RANBP2: variants seen among roughly 807,000 people sequenced by gnomAD.
The protein encoded by RANBP2 is E3 SUMO-protein ligase RanBP2.
Under a neutral mutation model 303.6 loss-of-function variants are expected in RANBP2, and 57 were observed. The ratio of observed to expected loss-of-function variants is 0.19; its 90% CI spans 0.15 to 0.23. The LOEUF is 0.23. RANBP2 is among the 10% of genes least tolerant of loss of function. The pLI, the probability that RANBP2 is intolerant of heterozygous loss-of-function variation, is 1.00. For synonymous variants in RANBP2, 1,167 were observed against 1,301.5 expected (o/e 0.90, Z 2.23); for missense variants, 3,138 against 3,780.8 (o/e 0.83, Z 4.46).
At chr2:109,376,960 G>A in the RANBP2 span, among the ~76,000 whole-genome samples, 11 of 152,376 alleles carry the variant, frequency 7.2e-5, no homozygotes, top group Non-Finnish European at 1.3e-4. Context: ...GATGGGGTGC[G>A]GAGCACCTGT....
At chr2:109,460,073 A>G in the RANBP2 span, among the ~76,000 whole-genome samples, 7 of 152,208 alleles carry the variant, frequency 4.6e-5, no homozygotes, top group African/African-American at 1.7e-4. Flanking sequence ...ATAATGGGGA[A>G]CATGGTAGAG....
chr2:109,708,989 A>G, the RANBP2 span, among the ~76,000 whole-genome samples: 6 of 151,576 alleles, frequency 4.0e-5, no homozygotes, highest in African/African-American at 1.5e-4. Flanking sequence ...AAATAAATAA[A>G]TAAGTAAATA....
chr2:108,739,123 C>T (rs1044434555), intron 6 of RANBP2, among the ~76,000 whole-genome samples: 5 of 151,528 alleles, frequency 3.3e-5, no homozygotes, highest in East Asian at 2.0e-4. Flanking sequence ...CTCAGCTCAG[C>T]GGGGCGCGGT....
the RANBP2 span, among the ~76,000 whole-genome samples, chr2:109,037,323 C>CAAAAAAA: frequency 1.8e-5 from 1 of 54,330 alleles, no homozygotes; most frequent in Non-Finnish European, 3.9e-5. Context: ...GACCATGTCT[C>CAAAAAAA]AAAAAAAAAA....
At chr2:108,823,318 C>G in the RANBP2 span, among the ~76,000 whole-genome samples, 1 of 152,168 alleles carries the variant, frequency 6.6e-6, no homozygotes, top group Non-Finnish European at 1.5e-5. Context: ...GATACCAAAG[C>G]TAGACAAAGA....
the RANBP2 span, among the ~76,000 whole-genome samples, chr2:109,593,409 C>CTTTTTTTTTTTT: frequency 2.2e-5 from 3 of 133,804 alleles, no homozygotes; most frequent in African/African-American, 5.6e-5. Flanking sequence ...AGAGAAAGAA[C>CTTTTTTTTTTTT]TTTTTTTTTT....
At chr2:109,424,109 C>A in the RANBP2 span, among the ~76,000 whole-genome samples, 2 of 152,174 alleles carry the variant, frequency 1.3e-5, no homozygotes, top group Non-Finnish European at 2.9e-5. Context: ...TGGAGGCAGG[C>A]CCTGAGATGG....
rs1251233570 is a variant in RANBP2, at chr2:108,785,711, G to A, written c.*1810G>A. Reference sequence around the variant, plus strand: ...CTCTTTGTTATTTAATCACTGATGTGGTCTAAACCCACGATAATATGTATC... The same window carrying A: ...CTCTTTGTTATTTAATCACTGATGTAGTCTAAACCCACGATAATATGTATC... On this transcript the variant is annotated 3_prime_UTR_variant, in exon 29 of 29. Coordinates refer to ENST00000283195, the MANE Select transcript of RANBP2 (RefSeq NM_006267.5). 1 of 152,110 alleles carries A rather than the reference G, an allele frequency of 6.6e-6. No homozygotes were observed. The highest frequency in any genetic ancestry group is 1.5e-5 in the Non-Finnish European group (1 of 68,022). 9.4% of individuals were successfully genotyped at this position (152,110 alleles called of 1,614,324 possible).
chr2:109,516,041 T>C, the RANBP2 span, among the ~76,000 whole-genome samples: 1 of 152,170 alleles, frequency 6.6e-6, no homozygotes, highest in Non-Finnish European at 1.5e-5. Flanking sequence ...ACCTGCTTAA[T>C]GCTTAGCACT....
chr2:109,574,458 A>G, the RANBP2 span: 1 of 638,816 alleles, frequency 1.6e-6, no homozygotes, highest in East Asian at 3.7e-5. Flanking sequence ...AAAAAAAAAA[A>G]AAAAAAAATT....
the RANBP2 span, among the ~76,000 whole-genome samples, chr2:108,803,643 C>T: frequency 6.6e-6 from 1 of 152,254 alleles, no homozygotes; most frequent in Admixed American, 6.5e-5. Context: ...GTCTGGGACC[C>T]ACCCTGAGGC....
At chr2:109,527,823 A>G in the RANBP2 span, among the ~76,000 whole-genome samples, 174 of 152,342 alleles carry the variant, frequency 1.1e-3, no homozygotes, top group African/African-American at 4.2e-3. Context: ...CCCTATGAAG[A>G]TCCTCAAGTT....
At chr2:109,519,621 C>A in the RANBP2 span, among the ~76,000 whole-genome samples, 1 of 152,176 alleles carries the variant, frequency 6.6e-6, no homozygotes, top group African/African-American at 2.4e-5. Flanking sequence ...TCTGTTTACA[C>A]CCTTTTAAAA....
the RANBP2 span, among the ~76,000 whole-genome samples, chr2:109,365,803 G>C: frequency 6.6e-6 from 1 of 152,176 alleles, no homozygotes; most frequent in African/African-American, 2.4e-5. Context: ...GACTGTACTT[G>C]TGAACTATGA....
chr2:108,839,037 C>T, the RANBP2 span: 1 of 759,910 alleles, frequency 1.3e-6, no homozygotes, highest in Non-Finnish European at 2.0e-6. Flanking sequence ...AATTGTATTG[C>T]ATATAGTTTT....
At chr2:108,846,190 C>T in the RANBP2 span, among the ~76,000 whole-genome samples, 1 of 152,040 alleles carries the variant, frequency 6.6e-6, no homozygotes, top group Non-Finnish European at 1.5e-5. Context: ...GGTAGTCCAC[C>T]TCTGTTCCCT....
chr2:109,751,517 G>A, the RANBP2 span, among the ~76,000 whole-genome samples: 42 of 146,474 alleles, frequency 2.9e-4, no homozygotes, highest in East Asian at 6.2e-3. Context: ...AGATTGTACA[G>A]GAGTGGACTC....
the RANBP2 span, among the ~76,000 whole-genome samples, chr2:108,902,840 G>T: frequency 6.6e-6 from 1 of 152,126 alleles, no homozygotes; most frequent in Non-Finnish European, 1.5e-5. Context: ...CAGAAATAAG[G>T]CAAGGATTTC....
chr2:109,051,450 A>G, the RANBP2 span, among the ~76,000 whole-genome samples: 2 of 152,182 alleles, frequency 1.3e-5, no homozygotes, highest in Non-Finnish European at 2.9e-5. Flanking sequence ...ATACCCATTT[A>G]AGGGGCTTCA....
Sources: allele counts gnomAD v4.1 joint callset (sites outside exome capture counted in the v4.1 genomes callset), GRCh38; gene constraint gnomAD v4.1.1; transcripts MANE v1.5; gene names NCBI Gene and HGNC (gene_info 2026-07-23, HGNC 2026-07-21).